Variants in DHX35 observed in about 807,000 individuals in gnomAD.
DHX35 encodes probable ATP-dependent RNA helicase DHX35.
DHX35 carries 84 observed loss-of-function variants against 99.6 expected under a neutral mutation model. The ratio of observed to expected loss-of-function variants is 0.84; its 90% confidence interval spans 0.71 to 1.01. DHX35 has a LOEUF of 1.01. Among genes scored for constraint, DHX35 ranks in the 50% least tolerant of loss-of-function variants. DHX35 has a pLI of 0.00. For synonymous variants in DHX35, 331 were observed against 316.2 expected (o/e 1.05, Z -0.50); for missense variants, 852 against 888.5 (o/e 0.96, Z 0.52).
intron 3 of DHX35, among the ~76,000 whole-genome samples, chr20:38,974,516 G>GT (rs1192583945): frequency 6.6e-6 from 1 of 151,988 alleles, no homozygotes; most frequent in East Asian, 1.9e-4. Flanking sequence ...AGTAAAGATT[G>GT]TTTTTTTGAG....
At chr20:38,976,931 G>T (rs926815101) in intron 3 of DHX35, among the ~76,000 whole-genome samples, 2 of 152,094 alleles carry the variant, frequency 1.3e-5, no homozygotes, top group Non-Finnish European at 2.9e-5. Flanking sequence ...CAAATGACAG[G>T]ATTTCATTCT....
intron 8 of DHX35, among the ~76,000 whole-genome samples, chr20:38,998,396 A>G (rs767981854): frequency 1.3e-5 from 2 of 152,222 alleles, no homozygotes; most frequent in African/African-American, 4.8e-5. Flanking sequence ...CTGTTGGCCA[A>G]TCATGGGTGT....
intron 2 of DHX35, among the ~76,000 whole-genome samples, chr20:38,971,934 A>C (rs2086003006): frequency 6.9e-6 from 1 of 144,970 alleles, no homozygotes; most frequent in East Asian, 2.0e-4. Flanking sequence ...GTATGCTTGT[A>C]TTTATGTCTT....
At chr20:38,968,583 T>C (rs1301094801) in intron 1 of DHX35, among the ~76,000 whole-genome samples, 3 of 152,164 alleles carry the variant, frequency 2.0e-5, no homozygotes, top group Admixed American at 2.0e-4. Flanking sequence ...AGTCTTGCTC[T>C]GTCGCCCAGG....
At chr20:38,973,267 C>T (rs1372849758) in intron 3 of DHX35, among the ~76,000 whole-genome samples, 1 of 152,170 alleles carries the variant, frequency 6.6e-6, no homozygotes, top group East Asian at 1.9e-4. Context: ...ACTGACTGAG[C>T]TTGAGAGACC....
intron 3 of DHX35, among the ~76,000 whole-genome samples, chr20:38,981,491 C>T (rs4812345): frequency 0.34 from 51,625 of 152,052 alleles, 8,886 homozygotes; most frequent in Middle Eastern, 0.52. Context: ...CATCTTTGAA[C>T]ATTAGAAGCT....
intron 10 of DHX35, 81 bp from the exon 11 acceptor site, chr20:39,003,667 AC>A: frequency 6.6e-7 from 1 of 1,511,804 alleles, no homozygotes; most frequent in Non-Finnish European, 9.0e-7. Flanking sequence ...CCAGATCCCA[AC>A]TTTTATTTTC....
At chr20:39,007,845 T>C (rs1317749087) in intron 12 of DHX35, among the ~76,000 whole-genome samples, 1 of 152,252 alleles carries the variant, frequency 6.6e-6, no homozygotes, top group Non-Finnish European at 1.5e-5. Context: ...CTGAAAGGGA[T>C]TCTGACATGC....
At chr20:38,969,500 A>G (rs1262838338) in intron 2 of DHX35, among the ~76,000 whole-genome samples, 1 of 152,106 alleles carries the variant, frequency 6.6e-6, no homozygotes, top group South Asian at 2.1e-4. Flanking sequence ...AATTTCAGAT[A>G]TACAGAAAAG....
At chr20:39,034,132 C>A in intron 20 of DHX35, 74 bp from the exon 21 acceptor site, 1 of 1,089,918 alleles carries the variant, frequency 9.2e-7, no homozygotes. Context: ...TTAAAGGAAA[C>A]AGCATGTCTA....
chr20:39,004,219 C>T (rs1043336669), intron 11 of DHX35, among the ~76,000 whole-genome samples: 3 of 152,146 alleles, frequency 2.0e-5, no homozygotes, highest in African/African-American at 7.2e-5. Flanking sequence ...CCCGCCACCA[C>T]ACCCGGCTAA....
intron 15 of DHX35, among the ~76,000 whole-genome samples, chr20:39,021,578 C>T (rs900419627): frequency 6.6e-6 from 1 of 152,100 alleles, no homozygotes. Context: ...TCACTGCAGC[C>T]TTGACCTCCC....
At chr20:39,009,142 A>C (rs1050989821) in intron 12 of DHX35, among the ~76,000 whole-genome samples, 1 of 152,210 alleles carries the variant, frequency 6.6e-6, no homozygotes, top group Non-Finnish European at 1.5e-5. Flanking sequence ...GCTTTTCAGC[A>C]GGGTGGTCCT....
At chr20:38,991,028 A>G (rs2086329686) in intron 5 of DHX35, among the ~76,000 whole-genome samples, 1 of 152,232 alleles carries the variant, frequency 6.6e-6, no homozygotes, top group Non-Finnish European at 1.5e-5. Flanking sequence ...GTAAAATAAT[A>G]TTAATTGAAG....
intron 1 of DHX35, among the ~76,000 whole-genome samples, chr20:38,964,442 T>G (rs2085880688): frequency 6.6e-6 from 1 of 152,022 alleles, no homozygotes; most frequent in Non-Finnish European, 1.5e-5. Context: ...CTTTCTTTTT[T>G]TTTTTTGAGA....
intron 12 of DHX35, among the ~76,000 whole-genome samples, chr20:39,007,870 G>C (rs1283688921): frequency 6.6e-6 from 1 of 152,220 alleles, no homozygotes; most frequent in African/African-American, 2.4e-5. Context: ...AAGGTTTCAA[G>C]ACATTTTTCT....
intron 21 of DHX35, among the ~76,000 whole-genome samples, chr20:39,035,216 C>T (rs565928443): frequency 1.3e-5 from 2 of 152,226 alleles, no homozygotes; most frequent in East Asian, 3.9e-4. Context: ...GGATTACAGG[C>T]GTGCGCCACC....
chr20:38,978,128 C>T (rs1037752304), intron 3 of DHX35: 5 of 781,632 alleles, frequency 6.4e-6, no homozygotes, highest in Admixed American at 3.4e-5. Context: ...AACTGTAAGA[C>T]CACCGGTGGT....
chr20:38,977,012 A>G (rs1043699286), intron 3 of DHX35, among the ~76,000 whole-genome samples: 4 of 152,154 alleles, frequency 2.6e-5, no homozygotes, highest in African/African-American at 7.2e-5. Context: ...CTGTTGTTGG[A>G]CACCTAGGCT....
Sources: gnomAD v4.1 joint callset for allele counts (sites outside exome capture counted in the v4.1 genomes callset) on GRCh38, gnomAD v4.1.1 for gene constraint, MANE v1.5 for transcripts, NCBI Gene and HGNC (gene_info 2026-07-23, HGNC 2026-07-21) for gene names.